Variants in DPP8 observed in about 807,000 individuals in gnomAD.
DPP8 encodes the protein DPP VIII.
DPP8 carries 31 observed loss-of-function variants against 107.5 expected under a neutral mutation model. The observed-to-expected ratio is 0.29, with a 90% CI of 0.22 to 0.39. The LOEUF (loss-of-function observed/expected upper bound fraction) is 0.39. DPP8 is among the 10% of genes least tolerant of loss of function. The pLI is 1.00. For missense variants in DPP8, 842 were observed against 1,076.1 expected (o/e 0.78, Z 3.04); for synonymous variants, 381 against 356.6 (o/e 1.07, Z -0.77).
At position 65,506,680 on chromosome 15, in the gene DPP8, A is replaced by C. The variant is rs534629647; in HGVS notation, c.372+563T>G. Among the ~76,000 whole-genome samples the C allele has an allele frequency of 2.0e-5, 3 of 148,882 alleles. No individual in the cohort carries two copies. In the South Asian group the frequency reaches 6.3e-4, roughly 31 times the overall value. On this transcript the variant is annotated intron_variant, in intron 3 of 19. Coordinates refer to ENST00000300141, the MANE Select transcript of DPP8 (RefSeq NM_130434.5). ...TAAACATATAAACATATGTGCACTG[A>C]AATCCTGGAATCTGTTTATATATTA...
chr15:65,482,819 G>A (rs1311715819), intron 8 of DPP8, among the ~76,000 whole-genome samples: 5 of 152,068 alleles, frequency 3.3e-5, no homozygotes, highest in African/African-American at 1.2e-4. Context: ...AATAGGGGCC[G>A]GGTGTGGTGG....
chr15:65,498,896 AT>A (rs887495815), intron 4 of DPP8, among the ~76,000 whole-genome samples: 15 of 152,068 alleles, frequency 9.9e-5, no homozygotes, highest in Non-Finnish European at 1.5e-4. Flanking sequence ...TCTAAAAAAA[AT>A]TTTTTAAATT....
intron 4 of DPP8, 129 bp downstream of exon 4, chr15:65,500,477 T>C (rs551486588): frequency 1.4e-6 from 1 of 699,604 alleles, no homozygotes; most frequent in Non-Finnish European, 2.4e-6. Flanking sequence ...CTTGTTTTCA[T>C]TGCTATTAAA....
At chr15:65,514,277 C>T (rs1267441876) in intron 1 of DPP8, among the ~76,000 whole-genome samples, 3 of 152,144 alleles carry the variant, frequency 2.0e-5, no homozygotes. Flanking sequence ...ACCAGGTATG[C>T]TTGTATCATT....
chr15:65,461,412 G>A (rs552484900), intron 15 of DPP8, among the ~76,000 whole-genome samples: 15 of 152,182 alleles, frequency 9.9e-5, no homozygotes, highest in African/African-American at 2.6e-4. Flanking sequence ...TGAGATTACA[G>A]TTATGAGCCA....
Position 65,514,870 on chromosome 15 carries a change from C to T in DPP8, c.-11-2306G>A, listed in dbSNP as rs2071250460. On this transcript the variant is annotated intron_variant, in intron 1 of 19. Coordinates refer to ENST00000300141, the MANE Select transcript of DPP8 (RefSeq NM_130434.5). ...CAAATGAGAAAAGAACCTATACAAA[C>T]TGGGCTCATTTTTCTCAACTTCTCT... 2.0e-5 allele frequency among the ~76,000 whole-genome samples: 3 copies of T among 152,340 alleles called. No homozygotes were observed. The South Asian group carries it at 6.2e-4, about 32-fold the overall frequency.
chr15:65,493,054 C>CTTTCT (rs777785435), intron 5 of DPP8, among the ~76,000 whole-genome samples: 1 of 151,870 alleles, frequency 6.6e-6, no homozygotes, highest in Non-Finnish European at 1.5e-5. Flanking sequence ...GAGCTCTTTT[C>CTTTCT]TTTCTTTTCT....
rs373986828 is a variant in DPP8 at position 65,485,062 on chromosome 15, A to C, written c.1017+37T>G. The C allele has an allele frequency of 2.1e-5, 32 of 1,521,608 alleles. No individual in the cohort carries two copies. In the African/African-American group the frequency reaches 4.0e-4, roughly 19 times the overall value. 94.3% of individuals were successfully genotyped at this position (1,521,608 alleles called of 1,614,324 possible). ...CCTACTGGGCTGAATAGATTAGTCA[A>C]ATGACGCAGAAGGTCAACTCAGCAT... On this transcript the variant is annotated intron_variant, in intron 8 of 19. Coordinates refer to ENST00000300141, the MANE Select transcript of DPP8 (RefSeq NM_130434.5).
At position 65,445,341 on chromosome 15, in the gene DPP8, A is replaced by G. The variant is rs976457976; in HGVS notation, c.*1543T>C. The G allele has an allele frequency of 2.6e-5, 4 of 152,262 alleles. No individual in the cohort carries two copies. The highest frequency in any genetic ancestry group is 2.1e-4 in the South Asian group (1 of 4,832). 9.4% of individuals were successfully genotyped at this position (152,262 alleles called of 1,614,324 possible). A position where few individuals can be genotyped will look rare whatever the true frequency, so the allele number is the denominator to read the frequency against. On this transcript the variant is annotated 3_prime_UTR_variant, in exon 20 of 20. Transcript: ENST00000300141. Reference sequence around the variant, plus strand: ...AAGTATTGGTAATAACTTTCTAAACACTGAAGTGTGTGATAAAAAGCATCA... The same window carrying G: ...AAGTATTGGTAATAACTTTCTAAACGCTGAAGTGTGTGATAAAAAGCATCA...
At chr15:65,503,454 T>C (rs753391302) in intron 3 of DPP8, among the ~76,000 whole-genome samples, 10 of 151,670 alleles carry the variant, frequency 6.6e-5, no homozygotes, top group East Asian at 3.9e-4. Flanking sequence ...TTTCTTTTTT[T>C]TTTTGAGACA....
rs543691825 is a variant in DPP8, at chr15:65,517,673, G to T, written c.-199C>A. 1 of 152,424 alleles carries T rather than the reference G, an allele frequency of 6.6e-6. No individual in the cohort carries two copies. The highest frequency in any genetic ancestry group is 1.5e-5 in the Non-Finnish European group (1 of 68,182). The allele number at this position is 152,424 out of a possible 1,614,324, so 9.4% of individuals were successfully genotyped here. A position where few individuals can be genotyped will look rare whatever the true frequency, so the allele number is the denominator to read the frequency against. The stretch of plus-strand genomic sequence containing the variant: ...GGCAGTAGCAGCGGCCTTGGCCTCG[G>T]AGGCTTTAGCACTTCCGGTTCGTTG... On this transcript the variant is annotated 5_prime_UTR_variant, in exon 1 of 20. Transcript: ENST00000300141.
chr15:65,451,028 C>G lies in DPP8; in HGVS notation c.2497G>C (p.Val833Leu). 6.2e-7 allele frequency: 1 copy of G among 1,609,290 alleles called. No homozygotes were observed. Among genetic ancestry groups the G allele is most frequent in the Non-Finnish European group, 8.5e-7 (1 of 1,176,314 alleles). ...AAATCATATGGCTTTCCAGCCCTCA[C>G]TAAAAAACTCAGTAATATACTGGTA... is the stretch of plus-strand genomic sequence containing the variant. ...AHTSILLSFL[V>L]RAGKPYDLQI... The change falls in exon 19 of 20, where the codon GTG becomes CTG. Residue 833 changes from valine to leucine, a missense_variant. Val to Leu is a conservative substitution (Grantham distance 32). Coordinates refer to ENST00000300141, the MANE Select transcript of DPP8 (RefSeq NM_130434.5).
At chr15:65,466,579 T>C (rs942821512) in intron 14 of DPP8, 99 bp downstream of exon 14, 1 of 1,108,086 alleles carries the variant, frequency 9.0e-7, no homozygotes, top group Non-Finnish European at 1.3e-6. Flanking sequence ...TGGTGAGAGA[T>C]GGAAAGACTT....
At chr15:65,452,406 G>GA (rs887919805) in intron 17 of DPP8, among the ~76,000 whole-genome samples, 1 of 151,156 alleles carries the variant, frequency 6.6e-6, no homozygotes, top group Non-Finnish European at 1.5e-5. Flanking sequence ...TGCTACTGAG[G>GA]AAAAAACGTG....
chr15:65,514,291 A>G (rs778839192), intron 1 of DPP8, among the ~76,000 whole-genome samples: 11 of 152,220 alleles, frequency 7.2e-5, no homozygotes, highest in African/African-American at 1.2e-4. Context: ...TATCATTGTA[A>G]CAAATGAGCA....
chr15:65,491,825 C>T (rs1484861809), intron 5 of DPP8, among the ~76,000 whole-genome samples: 11 of 152,132 alleles, frequency 7.2e-5, no homozygotes, highest in African/African-American at 1.9e-4. Context: ...CTCCACCTCC[C>T]GGGTTCACGC....
At chr15:65,454,220 T>G in intron 17 of DPP8, 43 bp downstream of exon 17, 1 of 1,378,652 alleles carries the variant, frequency 7.3e-7, no homozygotes, top group Non-Finnish European at 9.5e-7. Flanking sequence ...TACAGAAAAA[T>G]CTACCCTTAT....
At chr15:65,476,525 G>A (rs978155378) in intron 11 of DPP8, among the ~76,000 whole-genome samples, 6 of 152,098 alleles carry the variant, frequency 3.9e-5, no homozygotes, top group Non-Finnish European at 7.4e-5. Flanking sequence ...TCATCCGAAC[G>A]TAGACAAATT....
intron 19 of DPP8, among the ~76,000 whole-genome samples, chr15:65,449,600 G>A (rs1175202992): frequency 4.6e-5 from 7 of 151,976 alleles, no homozygotes; most frequent in Non-Finnish European, 1.0e-4. Context: ...CGTAGAGATG[G>A]GGTTTTACCA....
Sources: gnomAD v4.1 joint callset for allele counts (sites outside exome capture counted in the v4.1 genomes callset) on GRCh38, gnomAD v4.1.1 for gene constraint, MANE v1.5 for transcripts, NCBI Gene and HGNC (gene_info 2026-07-23, HGNC 2026-07-21) for gene names.